GRID2: variants seen among roughly 807,000 people sequenced by gnomAD.
GRID2 encodes glutamate receptor ionotropic, delta-2.
In GRID2, 33 loss-of-function variants were observed where a neutral mutation model predicts 114.8. The ratio of observed to expected loss-of-function variants is 0.29; its 90% CI spans 0.22 to 0.38. The LOEUF (loss-of-function observed/expected upper bound fraction) is 0.38. GRID2 is among the 10% of genes least tolerant of loss of function. GRID2 has a pLI of 1.00. For missense variants in GRID2, 1,184 were observed against 1,257.7 expected, an observed-to-expected ratio of 0.94 and a Z score of 0.89; for synonymous variants, 505 against 449.9, an observed-to-expected ratio of 1.12 and a Z score of -1.55.
At chr4:93,375,344 C>A (rs959539414) in intron 8 of GRID2, among the ~76,000 whole-genome samples, 1 of 151,708 alleles carries the variant, frequency 6.6e-6, no homozygotes, top group East Asian at 1.9e-4. Context: ...TCCCGAGTAG[C>A]TGGGATTACA....
chr4:92,918,351 C>G (rs992652469), intron 2 of GRID2, among the ~76,000 whole-genome samples: 1 of 152,102 alleles, frequency 6.6e-6, no homozygotes, highest in Non-Finnish European at 1.5e-5. Flanking sequence ...ATTTCCTTCT[C>G]CTACCTGATT....
At chr4:93,387,311 T>C (rs72884535) in intron 8 of GRID2, among the ~76,000 whole-genome samples, 3 of 152,086 alleles carry the variant, frequency 2.0e-5, no homozygotes, top group South Asian at 2.1e-4. Context: ...TAAAACAACT[T>C]ATTTTATTCT....
At chr4:92,520,833 C>G (rs1331299508) in intron 1 of GRID2, among the ~76,000 whole-genome samples, 1 of 151,864 alleles carries the variant, frequency 6.6e-6, no homozygotes, top group Admixed American at 6.6e-5. Flanking sequence ...AGAAGCATTC[C>G]TCCCTTTGTA....
intron 13 of GRID2, among the ~76,000 whole-genome samples, chr4:93,567,903 T>C (rs1578279274): frequency 6.6e-6 from 1 of 152,366 alleles, no homozygotes; most frequent in East Asian, 1.9e-4. Flanking sequence ...TTCTGGAAGT[T>C]AGCTTTTACT....
intron 2 of GRID2, among the ~76,000 whole-genome samples, chr4:92,713,061 A>G (rs1174990432): frequency 6.6e-6 from 1 of 151,238 alleles, no homozygotes; most frequent in African/African-American, 2.4e-5. Flanking sequence ...TTAGTTACAT[A>G]TGTATACATG....
chr4:92,465,626 C>T (rs1721717064), intron 1 of GRID2, among the ~76,000 whole-genome samples: 2 of 151,904 alleles, frequency 1.3e-5, no homozygotes, highest in South Asian at 4.2e-4. Flanking sequence ...TGTATTTTTC[C>T]TTTTAATATT....
chr4:92,859,418 T>C (rs1744387440), intron 2 of GRID2, among the ~76,000 whole-genome samples: 1 of 152,212 alleles, frequency 6.6e-6, no homozygotes, highest in African/African-American at 2.4e-5. Flanking sequence ...TATTGTAATA[T>C]TTGCTTTATA....
At chr4:93,070,208 A>G (rs535329428) in intron 2 of GRID2, among the ~76,000 whole-genome samples, 3 of 152,184 alleles carry the variant, frequency 2.0e-5, no homozygotes, top group East Asian at 1.9e-4. Flanking sequence ...CACAAATTTT[A>G]TACTATATTT....
At chr4:93,731,842 C>T (rs577642325) in intron 14 of GRID2, among the ~76,000 whole-genome samples, 1 of 152,282 alleles carries the variant, frequency 6.6e-6, no homozygotes, top group Admixed American at 6.5e-5. Flanking sequence ...AAGCCTGGGC[C>T]TTGACAGTCC....
intron 2 of GRID2, among the ~76,000 whole-genome samples, chr4:92,716,250 T>C (rs568985953): frequency 1.3e-5 from 2 of 152,314 alleles, no homozygotes; most frequent in African/African-American, 4.8e-5. Context: ...ATTGCTTTCT[T>C]CTATCTTGCC....
intron 3 of GRID2, among the ~76,000 whole-genome samples, chr4:93,089,472 C>A (rs375695902): frequency 2.0e-5 from 3 of 152,100 alleles, no homozygotes; most frequent in East Asian, 3.9e-4. Flanking sequence ...TCAAATAAAT[C>A]ATTTTTTTGT....
chr4:92,559,630 G>A (rs1162122205), intron 1 of GRID2, among the ~76,000 whole-genome samples: 1 of 152,036 alleles, frequency 6.6e-6, no homozygotes, highest in African/African-American at 2.4e-5. Flanking sequence ...AAACTTAGAG[G>A]GAAGAAAATC....
intron 2 of GRID2, among the ~76,000 whole-genome samples, chr4:92,913,154 T>C (rs1748512695): frequency 6.6e-6 from 1 of 151,834 alleles, no homozygotes; most frequent in Non-Finnish European, 1.5e-5. Context: ...CTTCTGAGTA[T>C]GTATGAAAAA....
chr4:93,523,093 C>T (rs532744945), intron 13 of GRID2, among the ~76,000 whole-genome samples: 3 of 152,050 alleles, frequency 2.0e-5, no homozygotes, highest in East Asian at 1.9e-4. Flanking sequence ...GGAGAATTTT[C>T]GGGACAAGGG....
intron 5 of GRID2, among the ~76,000 whole-genome samples, chr4:93,214,070 A>T (rs1743903735): frequency 6.6e-6 from 1 of 152,042 alleles, no homozygotes; most frequent in Non-Finnish European, 1.5e-5. Context: ...AGAATATAAG[A>T]AGGAAAATAA....
chr4:92,734,503 T>C (rs1736492385), intron 2 of GRID2, among the ~76,000 whole-genome samples: 1 of 151,964 alleles, frequency 6.6e-6, no homozygotes, highest in Admixed American at 6.6e-5. Flanking sequence ...AAGTTGGTCT[T>C]GAACTCTTGG....
chr4:93,455,697 T>C lies in GRID2; in HGVS notation c.1581T>C (p.Thr527=). 6.2e-7 allele frequency: 1 copy of C among 1,613,028 alleles called. No homozygotes were observed. Residue 527 remains threonine (T), a synonymous_variant, in exon 11 of 16, where the codon ACT becomes ACC. Transcript: ENST00000282020. ...ADIGISALTI[T]PDRENVVDFT... ...TAGGGATTTCTGCTTTAACCATCAC[T>C]CCAGATCGTGAAAATGTGGTGGACT...
intron 2 of GRID2, among the ~76,000 whole-genome samples, chr4:92,986,402 T>C (rs1007543770): frequency 5.3e-5 from 8 of 152,224 alleles, no homozygotes; most frequent in African/African-American, 1.4e-4. Context: ...GGGTCTACTT[T>C]ATACCTCTCT....
intron 14 of GRID2, among the ~76,000 whole-genome samples, chr4:93,723,650 G>C (rs1039019494): frequency 1.3e-5 from 2 of 152,048 alleles, no homozygotes; most frequent in African/African-American, 4.8e-5. Context: ...TTTCCCCCAG[G>C]GGATATAAAG....
Sources: allele counts gnomAD v4.1 joint callset (sites outside exome capture counted in the v4.1 genomes callset), GRCh38; gene constraint gnomAD v4.1.1; transcripts MANE v1.5; gene names NCBI Gene and HGNC (gene_info 2026-07-23, HGNC 2026-07-21).